SERBP1: variants seen among roughly 807,000 people sequenced by gnomAD.
SERBP1 encodes SERPINE1 mRNA binding protein 1.
Under a neutral mutation model 50.2 loss-of-function variants are expected in SERBP1, and 6 were observed. The observed-to-expected ratio is 0.12, with a 90% confidence interval of 0.07 to 0.24. The LOEUF is 0.24. Among genes scored for constraint, SERBP1 ranks in the 10% least tolerant of loss-of-function variants. The probability of loss-of-function intolerance (pLI) is 1.00; values close to 1 mark genes in which losing one functional copy is unlikely to be tolerated. For missense variants in SERBP1, 346 were observed against 524.9 expected (o/e 0.66, Z 3.33); for synonymous variants, 168 against 182.8 (o/e 0.92, Z 0.65).
chr1:67,424,490 C>G, intron 4 of SERBP1: 1 of 549,504 alleles, frequency 1.8e-6, no homozygotes, highest in Non-Finnish European at 3.1e-6. Flanking sequence ...AGTTCATATA[C>G]TTCATACTTA....
At chr1:67,425,462 T>G (rs1382296886) in intron 2 of SERBP1, among the ~76,000 whole-genome samples, 1 of 152,228 alleles carries the variant, frequency 6.6e-6, no homozygotes, top group African/African-American at 2.4e-5. Context: ...GTGCATATAC[T>G]TTTCCACTGC....
At chr1:67,415,853 T>C (rs910898122) in intron 6 of SERBP1, among the ~76,000 whole-genome samples, 4 of 152,142 alleles carry the variant, frequency 2.6e-5, no homozygotes, top group Non-Finnish European at 4.4e-5. Flanking sequence ...AGATATAAAC[T>C]TCTCAGAAGC....
At chr1:67,418,818 T>C (rs115407944) in intron 6 of SERBP1, among the ~76,000 whole-genome samples, 3 of 152,350 alleles carry the variant, frequency 2.0e-5, no homozygotes, top group African/African-American at 7.2e-5. Flanking sequence ...CACAATATTT[T>C]AATTTAACTT....
At chr1:67,419,525 A>G (rs1476354301) in intron 6 of SERBP1, among the ~76,000 whole-genome samples, 3 of 152,206 alleles carry the variant, frequency 2.0e-5, no homozygotes, top group Non-Finnish European at 4.4e-5. Flanking sequence ...GCACATTGCC[A>G]TTTACTGAGT....
chr1:67,429,772 A>T, intron 1 of SERBP1: 1 of 526,340 alleles, frequency 1.9e-6, no homozygotes, highest in Non-Finnish European at 3.3e-6. Context: ...CGGGAAGGGG[A>T]TGGCTCCGAG....
chr1:67,420,263 AT>A, intron 5 of SERBP1, 77 bp from the exon 6 acceptor site: 1 of 1,197,448 alleles, frequency 8.4e-7, no homozygotes, highest in Non-Finnish European at 1.2e-6. Context: ...TATGATTTTA[AT>A]TGAGAAAATT....
intron 5 of SERBP1, among the ~76,000 whole-genome samples, chr1:67,423,569 T>G (rs1444036912): frequency 6.7e-6 from 1 of 149,696 alleles, no homozygotes; most frequent in Non-Finnish European, 1.5e-5. Flanking sequence ...ATCACTCCAC[T>G]GCACTCCAGC....
At chr1:67,425,457 T>C (rs1667338167) in intron 2 of SERBP1, among the ~76,000 whole-genome samples, 1 of 152,256 alleles carries the variant, frequency 6.6e-6, no homozygotes, top group Admixed American at 6.5e-5. Flanking sequence ...TACCAGTGCA[T>C]ATACTTTTCC....
At chr1:67,426,570 A>G (rs926660327) in intron 1 of SERBP1, among the ~76,000 whole-genome samples, 1 of 152,192 alleles carries the variant, frequency 6.6e-6, no homozygotes, top group Non-Finnish European at 1.5e-5. Flanking sequence ...TCCCCCTCAA[A>G]AGCATTTTCT....
chr1:67,424,132 T>G (rs1429591865), intron 5 of SERBP1, 68 bp downstream of exon 5: 11 of 1,501,998 alleles, frequency 7.3e-6, no homozygotes, highest in Non-Finnish European at 8.0e-6. Context: ...AATCTATGGG[T>G]TATCTTATTG....
Position 67,410,896 on chromosome 1 carries a change from A to C in SERBP1, c.*2311T>G, listed in dbSNP as rs945855408. The C allele has an allele frequency of 1.3e-5, 2 of 152,130 alleles. No homozygotes were observed. Among genetic ancestry groups the C allele is most frequent in the Non-Finnish European group, 2.9e-5 (2 of 67,988 alleles). 9.4% of individuals were successfully genotyped at this position (152,130 alleles called of 1,614,324 possible). A position where few individuals can be genotyped will look rare whatever the true frequency, so the allele number is the denominator to read the frequency against. On this transcript the variant is annotated 3_prime_UTR_variant, in exon 8 of 8. Coordinates refer to ENST00000361219, the MANE Select transcript of SERBP1 (RefSeq NM_001018069.2). ...TCATTAAGATAAGTACCCTTCCCAA[A>C]TGTGATTCAACAGCCTGGTTTTTAG... is the stretch of plus-strand genomic sequence containing the variant.
At chr1:67,417,190 T>A (rs776976344) in intron 6 of SERBP1, 1 of 152,226 alleles carries the variant, frequency 6.6e-6, no homozygotes, top group Non-Finnish European at 1.5e-5. Flanking sequence ...CAAGACCTTG[T>A]CTCAAAATAA....
Position 67,410,754 on chromosome 1 carries a change from T to C in SERBP1, c.*2453A>G, listed in dbSNP as rs1666809780. On this transcript the variant is annotated 3_prime_UTR_variant, in exon 8 of 8. Coordinates refer to ENST00000361219, the MANE Select transcript of SERBP1 (RefSeq NM_001018069.2). ...TGTCAATCAAAAGTAGCATTCAGTA[T>C]GCTTAACTTTCATTATCAAAAAAGT... is the stretch of plus-strand genomic sequence containing the variant. The C allele has an allele frequency of 6.6e-6, 1 of 152,182 alleles. No homozygotes were observed. Among genetic ancestry groups the C allele is most frequent in the Non-Finnish European group, 1.5e-5 (1 of 68,008 alleles). 9.4% of individuals were successfully genotyped at this position (152,182 alleles called of 1,614,324 possible). A position where few individuals can be genotyped will look rare whatever the true frequency, so the allele number is the denominator to read the frequency against.
At position 67,425,058 on chromosome 1, in the gene SERBP1, TA is replaced by T. The variant is rs768071586; in HGVS notation, c.605+24del. 180 of 1,601,182 alleles carry T rather than the reference TA, an allele frequency of 1.1e-4. No individual in the cohort carries two copies. The Middle Eastern group carries it at 2.0e-3, about 18-fold the overall frequency. On this transcript the variant is annotated intron_variant, in intron 3 of 7. Transcript: ENST00000361219. The stretch of plus-strand genomic sequence containing the variant: ...TATTAAATAGATTAAAATATTAAAG[TA>T]AAATAAAAACCAGTAAGACTTACGA...
rs573791405 is a variant in SERBP1 at position 67,412,312 on chromosome 1, C to T, written c.*895G>A. On this transcript the variant is annotated 3_prime_UTR_variant, in exon 8 of 8. Transcript: ENST00000361219. ...TTTAAATATTACACATTGGCCAAATCAACTTATTCCACCCACCCTGGTGAA... is the reference window on the plus strand; with the variant it reads ...TTTAAATATTACACATTGGCCAAATTAACTTATTCCACCCACCCTGGTGAA... 5.9e-5 allele frequency: 9 copies of T among 152,684 alleles called. No homozygotes were observed. The East Asian group carries it at 1.7e-3, about 29-fold the overall frequency. The allele number at this position is 152,684 out of a possible 1,614,324, so 9.5% of individuals were successfully genotyped here.
chr1:67,424,746 C>A, intron 4 of SERBP1, 142 bp downstream of exon 4: 1 of 671,646 alleles, frequency 1.5e-6, no homozygotes. Context: ...AACCCAAACC[C>A]ATCCCATAAG....
At chr1:67,415,066 ACTT>A in intron 7 of SERBP1, 97 bp downstream of exon 7, 1 of 1,300,056 alleles carries the variant, frequency 7.7e-7, no homozygotes. Context: ...CACTGCTACT[ACTT>A]CTACTTATGT....
Position 67,407,930 on chromosome 1 carries a change from A to G in SERBP1, c.*5277T>C, listed in dbSNP as rs1239242069. The G allele has an allele frequency of 6.6e-6, 1 of 152,250 alleles. No homozygotes were observed. The highest frequency in any genetic ancestry group is 1.5e-5 in the Non-Finnish European group (1 of 68,036). 9.4% of individuals were successfully genotyped at this position (152,250 alleles called of 1,614,324 possible). ...ACCAAGTTAACCAAAACCGCTTTAA[A>G]CAGAATCTTCATTCTAGGTATATAA... On this transcript the variant is annotated 3_prime_UTR_variant, in exon 8 of 8. Coordinates refer to ENST00000361219, the MANE Select transcript of SERBP1 (RefSeq NM_001018069.2).
rs765747040 is a variant in SERBP1 at position 67,424,290 on chromosome 1, G to C, written c.696-13C>G. 6.2e-7 allele frequency: 1 copy of C among 1,609,594 alleles called. No individual in the cohort carries two copies. The highest frequency in any genetic ancestry group is 1.3e-5 in the African/African-American group (1 of 74,738). On this transcript the variant is annotated splice_polypyrimidine_tract_variant and intron_variant, in intron 4 of 7. Transcript: ENST00000361219. ...TTGATCCAAGTCACTGTAATTATAA[G>C]ATATTTGTTTCTGAATGTATTTGGG...
Sources: allele counts gnomAD v4.1 joint callset (sites outside exome capture counted in the v4.1 genomes callset), GRCh38; gene constraint gnomAD v4.1.1; transcripts MANE v1.5; gene names NCBI Gene and HGNC (gene_info 2026-07-23, HGNC 2026-07-21).